The following MBOAT1 variants were observed in gnomAD, a reference collection of about 807,000 sequenced individuals.
MBOAT1 encodes the protein membrane-bound glycerophospholipid O-acyltransferase 1.
In MBOAT1, 67 loss-of-function variants were observed where a neutral mutation model predicts 64.4. The observed-to-expected ratio is 1.04, with a 90% CI of 0.85 to 1.27. The LOEUF (loss-of-function observed/expected upper bound fraction) is 1.27. MBOAT1 is among the 50% of genes most tolerant of loss of function. The pLI, the probability that MBOAT1 is intolerant of heterozygous loss-of-function variation, is 0.00. For missense variants in MBOAT1, 563 were observed against 604.6 expected, an observed-to-expected ratio of 0.93 and a Z score of 0.72; for synonymous variants, 229 against 218.9, an observed-to-expected ratio of 1.05 and a Z score of -0.41.
Position 20,205,291 on chromosome 6 carries a change from C to T in MBOAT1, c.99+6845G>A, listed in dbSNP as rs189551630. 1.4e-3 allele frequency among the ~76,000 whole-genome samples: 209 copies of T among 152,196 alleles called. 1 individual carries two copies. The highest frequency in any genetic ancestry group is 4.6e-3 in the African/African-American group (193 of 41,534). ...GAAATTTGGGGAATAACTTTTAGTG[C>T]TGTATTAACTGAGAGAATGTATGCA... On this transcript the variant is annotated intron_variant, in intron 1 of 12. Transcript: ENST00000324607.
intron 1 of MBOAT1, among the ~76,000 whole-genome samples, chr6:20,179,447 G>C (rs751095322): frequency 3.3e-5 from 5 of 152,134 alleles, no homozygotes; most frequent in Non-Finnish European, 7.4e-5. Context: ...CGAGGATAAT[G>C]GTTTGTAGCT....
intron 1 of MBOAT1, among the ~76,000 whole-genome samples, chr6:20,170,994 G>T (rs1462949424): frequency 6.6e-6 from 1 of 152,130 alleles, no homozygotes; most frequent in Admixed American, 6.5e-5. Flanking sequence ...GTAGAAAAGG[G>T]AAAGATAGAG....
chr6:20,168,567 G>C (rs1581439634), intron 1 of MBOAT1, among the ~76,000 whole-genome samples: 4,151 of 117,858 alleles, frequency 0.035, 147 homozygotes, highest in Non-Finnish European at 0.043. Context: ...GAAAGAGAAA[G>C]AGAGAGAGAG....
At chr6:20,142,753 A>T (rs1394159898) in intron 4 of MBOAT1, among the ~76,000 whole-genome samples, 1 of 152,204 alleles carries the variant, frequency 6.6e-6, no homozygotes, top group Non-Finnish European at 1.5e-5. Flanking sequence ...CCCATCCTGC[A>T]TATTGTTAAA....
intron 1 of MBOAT1, among the ~76,000 whole-genome samples, chr6:20,182,722 G>A (rs556478414): frequency 2.0e-4 from 31 of 152,182 alleles, no homozygotes; most frequent in Admixed American, 9.2e-4. Context: ...CTCCAACCAC[G>A]GCAGGGGTAA....
chr6:20,186,065 C>T (rs1762643230), intron 1 of MBOAT1, among the ~76,000 whole-genome samples: 1 of 152,126 alleles, frequency 6.6e-6, no homozygotes, highest in South Asian at 2.1e-4. Context: ...CACCTGTAGT[C>T]CTGGCTACTC....
At chr6:20,171,406 A>G (rs1050488471) in intron 1 of MBOAT1, among the ~76,000 whole-genome samples, 27 of 146,326 alleles carry the variant, frequency 1.8e-4, no homozygotes, top group African/African-American at 6.8e-4. Flanking sequence ...AAAAAAAACT[A>G]GCCGGGCATG....
chr6:20,124,013 T>C (rs1025111583), intron 8 of MBOAT1, among the ~76,000 whole-genome samples: 3 of 152,060 alleles, frequency 2.0e-5, no homozygotes, highest in African/African-American at 7.2e-5. Flanking sequence ...GCCAAGATCG[T>C]GCCACTGCGC....
chr6:20,121,466 G>C (rs1466070346), intron 8 of MBOAT1, among the ~76,000 whole-genome samples: 1 of 152,160 alleles, frequency 6.6e-6, no homozygotes, highest in East Asian at 1.9e-4. Flanking sequence ...AGCATGGGGG[G>C]GAGTAAAAGA....
At chr6:20,112,684 G>A (rs1014587095) in intron 11 of MBOAT1, among the ~76,000 whole-genome samples, 192 bp downstream of exon 11, 11 of 152,036 alleles carry the variant, frequency 7.2e-5, no homozygotes, top group African/African-American at 2.7e-4. Context: ...AACCATTTTT[G>A]TAATGACTCC....
At chr6:20,109,840 A>G in intron 11 of MBOAT1, 91 bp from the exon 12 acceptor site, 2 of 1,310,506 alleles carry the variant, frequency 1.5e-6, no homozygotes. Flanking sequence ...TGCCACAGGA[A>G]CATGGGCTAC....
At chr6:20,125,199 T>C (rs149332343) in intron 7 of MBOAT1, among the ~76,000 whole-genome samples, 31 of 152,230 alleles carry the variant, frequency 2.0e-4, no homozygotes, top group African/African-American at 6.7e-4. Context: ...TTTGCCTAGC[T>C]CCCCTGACAT....
At chr6:20,169,930 C>T (rs999321982) in intron 1 of MBOAT1, among the ~76,000 whole-genome samples, 4 of 152,170 alleles carry the variant, frequency 2.6e-5, no homozygotes, top group African/African-American at 4.8e-5. Flanking sequence ...GCCAAGTCAT[C>T]GACTATCTCC....
At chr6:20,126,793 G>A (rs1760666667) in intron 6 of MBOAT1, 93 bp from the exon 7 acceptor site, 2 of 884,314 alleles carry the variant, frequency 2.3e-6, no homozygotes, top group South Asian at 3.1e-5. Flanking sequence ...TATCTCTGTA[G>A]ATTCGATACA....
At chr6:20,192,991 A>ATTTTTTTTTTT (rs1238333593) in intron 1 of MBOAT1, among the ~76,000 whole-genome samples, 35 of 59,808 alleles carry the variant, frequency 5.9e-4, no homozygotes, top group Non-Finnish European at 9.2e-4. Flanking sequence ...GTATGCTATA[A>ATTTTTTTTTTT]TTTCTTTTTT....
At chr6:20,113,118 G>T in intron 10 of MBOAT1, 110 bp from the exon 11 acceptor site, 1 of 1,324,934 alleles carries the variant, frequency 7.5e-7, no homozygotes, top group Non-Finnish European at 1.0e-6. Flanking sequence ...TGTTACTGAT[G>T]AGATGCCTCC....
chr6:20,107,321 T>TG (rs1759987861), intron 12 of MBOAT1, among the ~76,000 whole-genome samples: 1 of 152,120 alleles, frequency 6.6e-6, no homozygotes, highest in African/African-American at 2.4e-5. Flanking sequence ...TGCTACACTA[T>TG]GGGGGGCTAC....
intron 1 of MBOAT1, among the ~76,000 whole-genome samples, chr6:20,198,902 G>A (rs943574): frequency 0.73 from 111,288 of 151,838 alleles, 41,146 homozygotes; most frequent in Admixed American, 0.79. Flanking sequence ...GCCTCCTTAC[G>A]TATTTTAAGT....
chr6:20,149,474 T>C (rs1761427216), intron 3 of MBOAT1, among the ~76,000 whole-genome samples: 1 of 152,180 alleles, frequency 6.6e-6, no homozygotes, highest in African/African-American at 2.4e-5. Flanking sequence ...TGTAATTGCT[T>C]CCAAAACCAA....
Sources: gnomAD v4.1 joint callset for allele counts (sites outside exome capture counted in the v4.1 genomes callset) on GRCh38, gnomAD v4.1.1 for gene constraint, MANE v1.5 for transcripts, NCBI Gene and HGNC (gene_info 2026-07-23, HGNC 2026-07-21) for gene names.